Variants in FHIT observed in about 807,000 individuals in gnomAD.
The protein encoded by FHIT is bis(5'-adenosyl)-triphosphatase.
A neutral mutation model predicts 17.9 loss-of-function variants in FHIT; 19 were observed. The ratio of observed to expected loss-of-function variants is 1.06; its 90% CI spans 0.74 to 1.56. The LOEUF is 1.56. Ranked by LOEUF, FHIT falls within the 40% of genes most tolerant of loss-of-function variation. The pLI is 0.00. For synonymous variants in FHIT, 81 were observed against 69.7 expected, an observed-to-expected ratio of 1.16 and a Z score of -0.81; for missense variants, 248 against 189.2, an observed-to-expected ratio of 1.31 and a Z score of -1.82.
intron 7 of FHIT, among the ~76,000 whole-genome samples, chr3:59,976,626 C>T (rs916542298): frequency 1.3e-5 from 2 of 152,018 alleles, no homozygotes; most frequent in African/African-American, 2.4e-5. Context: ...TCACGCAGCC[C>T]TACCTACCAC....
intron 4 of FHIT, among the ~76,000 whole-genome samples, chr3:60,799,385 G>C (rs931594439): frequency 1.3e-5 from 2 of 152,132 alleles, no homozygotes; most frequent in Non-Finnish European, 2.9e-5. Flanking sequence ...TGTTGGTCAG[G>C]CTGGTCTCCA....
intron 4 of FHIT, among the ~76,000 whole-genome samples, chr3:60,542,894 T>A (rs1008831893): frequency 6.6e-6 from 1 of 152,310 alleles, no homozygotes; most frequent in African/African-American, 2.4e-5. Context: ...ATCCTTAACA[T>A]TTAGGTATTT....
At chr3:60,112,620 T>G (rs1704726270) in intron 5 of FHIT, among the ~76,000 whole-genome samples, 1 of 152,186 alleles carries the variant, frequency 6.6e-6, no homozygotes, top group Non-Finnish European at 1.5e-5. Context: ...CACATCTAAT[T>G]GGAGAAGACT....
intron 5 of FHIT, among the ~76,000 whole-genome samples, chr3:60,229,288 G>C (rs1480783119): frequency 2.0e-5 from 3 of 151,956 alleles, no homozygotes; most frequent in East Asian, 1.9e-4. Flanking sequence ...GTGGTGGTGA[G>C]CATCTGCAAT....
At chr3:60,118,780 G>GT (rs1559648653) in intron 5 of FHIT, among the ~76,000 whole-genome samples, 1 of 131,096 alleles carries the variant, frequency 7.6e-6, no homozygotes, top group Admixed American at 7.4e-5. Context: ...GCGGCGGGGG[G>GT]GGGGGGGTGG....
chr3:60,437,283 G>C (rs1168960380), intron 5 of FHIT, among the ~76,000 whole-genome samples: 1 of 152,098 alleles, frequency 6.6e-6, no homozygotes, highest in African/African-American at 2.4e-5. Flanking sequence ...CACTGAGGCA[G>C]AGAGAAGGAA....
intron 5 of FHIT, among the ~76,000 whole-genome samples, chr3:60,412,921 A>C (rs947980144): frequency 3.9e-5 from 6 of 152,014 alleles, no homozygotes; most frequent in Non-Finnish European, 8.8e-5. Context: ...GCTTTCTCTC[A>C]CCTGCCACCA....
intron 5 of FHIT, among the ~76,000 whole-genome samples, chr3:60,258,698 C>G (rs1041137538): frequency 2.0e-5 from 3 of 152,034 alleles, no homozygotes; most frequent in African/African-American, 4.8e-5. Flanking sequence ...GACATGGGAG[C>G]CTTCATAGGA....
At chr3:60,377,464 C>CTTTTTTTT (rs1196507429) in intron 5 of FHIT, among the ~76,000 whole-genome samples, 1 of 49,688 alleles carries the variant, frequency 2.0e-5, no homozygotes, top group Non-Finnish European at 3.5e-5. Flanking sequence ...GCCAAGAATT[C>CTTTTTTTT]TTTTTTTTTT....
intron 4 of FHIT, among the ~76,000 whole-genome samples, chr3:60,571,540 C>G (rs2037385032): frequency 1.3e-5 from 2 of 151,924 alleles, no homozygotes; most frequent in East Asian, 1.9e-4. Context: ...TGCATACGCT[C>G]TGGGAGCAAA....
intron 8 of FHIT, among the ~76,000 whole-genome samples, chr3:59,890,771 G>A (rs1019374217): frequency 6.6e-5 from 10 of 152,092 alleles, no homozygotes; most frequent in South Asian, 6.2e-4. Context: ...TCTCTCTTCC[G>A]TTAGTTTCAC....
intron 4 of FHIT, among the ~76,000 whole-genome samples, chr3:60,779,129 T>C (rs782192294): frequency 3.3e-5 from 5 of 152,334 alleles, no homozygotes; most frequent in Non-Finnish European, 5.9e-5. Flanking sequence ...TGCTGCACTT[T>C]ATGCAAATAA....
chr3:61,041,848 T>C (rs939256928), intron 3 of FHIT, among the ~76,000 whole-genome samples, 199 bp downstream of exon 3: 7 of 152,114 alleles, frequency 4.6e-5, no homozygotes, highest in Admixed American at 1.3e-4. Flanking sequence ...ATGAAAAAAG[T>C]GAGAATTTCA....
intron 4 of FHIT, among the ~76,000 whole-genome samples, chr3:60,812,560 T>C (rs145569263): frequency 4.9e-4 from 74 of 152,284 alleles, no homozygotes; most frequent in African/African-American, 1.7e-3. Flanking sequence ...ATGGTCTACC[T>C]CTATGTGAAA....
At chr3:59,823,347 T>G (rs1343576589) in intron 8 of FHIT, among the ~76,000 whole-genome samples, 1 of 152,224 alleles carries the variant, frequency 6.6e-6, no homozygotes, top group Non-Finnish European at 1.5e-5. Flanking sequence ...GGTATTTTTA[T>G]GGGAATTGCA....
intron 5 of FHIT, among the ~76,000 whole-genome samples, chr3:60,459,542 A>G (rs1052131054): frequency 2.0e-5 from 3 of 152,212 alleles, no homozygotes; most frequent in Admixed American, 2.0e-4. Context: ...CAACGCGCTT[A>G]GCAGTGGTTT....
At chr3:60,938,418 A>ACAC (rs1256445288) in intron 3 of FHIT, among the ~76,000 whole-genome samples, 2 of 152,180 alleles carry the variant, frequency 1.3e-5, no homozygotes, top group Non-Finnish European at 2.9e-5. Flanking sequence ...TCCATTTCTC[A>ACAC]TGAGATGGAC....
chr3:60,091,827 T>C (rs1471204574), intron 5 of FHIT, among the ~76,000 whole-genome samples: 1 of 152,150 alleles, frequency 6.6e-6, no homozygotes, highest in African/African-American at 2.4e-5. Context: ...GACTGGAAGC[T>C]TGCTGAGACC....
chr3:60,732,725 C>A (rs1416627976), intron 4 of FHIT: 1 of 306,516 alleles, frequency 3.3e-6, no homozygotes, highest in Non-Finnish European at 6.1e-6. Flanking sequence ...CTCGCTCTGT[C>A]ACCCAGGCTG....
Sources: gnomAD v4.1 joint callset for allele counts (sites outside exome capture counted in the v4.1 genomes callset) on GRCh38, gnomAD v4.1.1 for gene constraint, MANE v1.5 for transcripts, NCBI Gene and HGNC (gene_info 2026-07-23, HGNC 2026-07-21) for gene names.